The following HELZ variants were observed in gnomAD, a reference collection of about 807,000 sequenced individuals.
The protein encoded by HELZ is ATP-dependent RNA helicase with zinc finger domain.
In HELZ, 23 loss-of-function variants were observed where a neutral mutation model predicts 218.2. The ratio of observed to expected loss-of-function variants is 0.11; its 90% CI spans 0.08 to 0.15. The LOEUF is 0.15. HELZ is among the 10% of genes least tolerant of loss of function. HELZ has a pLI of 1.00. For missense variants in HELZ, 1,813 were observed against 2,353.7 expected (o/e 0.77, Z 4.75); for synonymous variants, 814 against 829.4 (o/e 0.98, Z 0.32).
intron 27 of HELZ, among the ~76,000 whole-genome samples, chr17:67,117,040 G>GT (rs2037449109): frequency 3.3e-5 from 5 of 151,936 alleles, no homozygotes; most frequent in Non-Finnish European, 7.4e-5. Flanking sequence ...ATTTTTAATA[G>GT]AGATAGGTTT....
At chr17:67,081,968 G>A (rs1021273243) in intron 32 of HELZ, among the ~76,000 whole-genome samples, 1 of 152,106 alleles carries the variant, frequency 6.6e-6, no homozygotes, top group Non-Finnish European at 1.5e-5. Flanking sequence ...CAGGACGAAG[G>A]AGCAGGTACA....
intron 21 of HELZ, among the ~76,000 whole-genome samples, chr17:67,139,545 G>A (rs747320270): frequency 6.6e-6 from 1 of 152,090 alleles, no homozygotes; most frequent in Non-Finnish European, 1.5e-5. Flanking sequence ...ATGATGATAT[G>A]AGTCATTCTG....
intron 4 of HELZ, among the ~76,000 whole-genome samples, chr17:67,217,931 T>TC (rs1222950957): frequency 2.5e-3 from 304 of 120,810 alleles, no homozygotes; most frequent in African/African-American, 0.014. Context: ...TTTTTTGTTG[T>TC]TTTTTTTTTT....
At chr17:67,155,584 C>T (rs769804852) in intron 17 of HELZ, among the ~76,000 whole-genome samples, 1 of 152,156 alleles carries the variant, frequency 6.6e-6, no homozygotes, top group Admixed American at 6.5e-5. Flanking sequence ...AATGAAGCTA[C>T]CATACACTTT....
chr17:67,083,966 A>G (rs2036276695), intron 32 of HELZ, among the ~76,000 whole-genome samples: 1 of 152,252 alleles, frequency 6.6e-6, no homozygotes, highest in African/African-American at 2.4e-5. Context: ...ACTGATATCC[A>G]TATCAAACAC....
rs1257157335 is a variant in HELZ at position 67,151,034 on chromosome 17, G to C, written c.2356+12C>G. On this transcript the variant is annotated intron_variant, in intron 18 of 32. Coordinates refer to ENST00000358691, the MANE Select transcript of HELZ (RefSeq NM_014877.4). ...CCCTAAACTTGTGAGACTGTGTCTT[G>C]AGTCAGCATACCAGGTTCAAGGTCC... 1.2e-6 allele frequency: 2 copies of C among 1,611,154 alleles called. No homozygotes were observed. Among genetic ancestry groups the C allele is most frequent in the East Asian group, 2.2e-5 (1 of 44,852 alleles).
intron 7 of HELZ, chr17:67,200,808 T>C: frequency 3.7e-6 from 1 of 270,234 alleles, no homozygotes; most frequent in South Asian, 9.4e-5. Context: ...CATTTTCTAG[T>C]AGCCAGAAGT....
chr17:67,141,293 C>T (rs950939017), intron 21 of HELZ, among the ~76,000 whole-genome samples: 3 of 152,082 alleles, frequency 2.0e-5, no homozygotes, highest in Non-Finnish European at 4.4e-5. Flanking sequence ...TAATGTTTGA[C>T]AGTAACGGCA....
chr17:67,187,026 T>C (rs2039775172), intron 12 of HELZ, among the ~76,000 whole-genome samples: 1 of 152,174 alleles, frequency 6.6e-6, no homozygotes, highest in Non-Finnish European at 1.5e-5. Context: ...GGCTGCTTTC[T>C]CATTACGACG....
At position 67,148,423 on chromosome 17, in the gene HELZ, A is replaced by G. The variant is rs1000111945; in HGVS notation, c.2621+146T>C. On this transcript the variant is annotated intron_variant, in intron 20 of 32. Coordinates refer to ENST00000358691, the MANE Select transcript of HELZ (RefSeq NM_014877.4). ...TGACTTCTGAAGTTTTCTTTTAAAGACATAAAATTAAACATAATTTGCAAG... is the reference window on the plus strand; with the variant it reads ...TGACTTCTGAAGTTTTCTTTTAAAGGCATAAAATTAAACATAATTTGCAAG... 3 of 634,222 alleles carry G rather than the reference A, an allele frequency of 4.7e-6. No homozygotes were observed. In the East Asian group the frequency reaches 8.5e-5, roughly 18 times the overall value. The allele number at this position is 634,222 out of a possible 1,614,324, so 39.3% of individuals were successfully genotyped here.
In HELZ at chr17:67,188,741, C is replaced by T; in HGVS notation, c.865-125G>A. On this transcript the variant is annotated intron_variant, in intron 11 of 32. Coordinates refer to ENST00000358691, the MANE Select transcript of HELZ (RefSeq NM_014877.4). The surrounding 1 kb of genome is among the most constrained non-coding windows in gnomAD (Gnocchi z 4.1). ...TCCCCAAGCTTCTAAGATACTATAG[C>T]CATTTAAGAAAAAAATCAGAATGGT... 1 of 692,208 alleles carries T rather than the reference C, an allele frequency of 1.4e-6. No individual in the cohort carries two copies. 42.9% of individuals were successfully genotyped at this position (692,208 alleles called of 1,614,324 possible). A position where few individuals can be genotyped will look rare whatever the true frequency, so the allele number is the denominator to read the frequency against.
At chr17:67,226,817 T>C (rs1275405228) in intron 3 of HELZ, among the ~76,000 whole-genome samples, 1 of 152,234 alleles carries the variant, frequency 6.6e-6, no homozygotes, top group Non-Finnish European at 1.5e-5. Context: ...AAGGAACAAG[T>C]ATTCAATATA....
At chr17:67,115,422 A>G (rs915818706) in intron 27 of HELZ, among the ~76,000 whole-genome samples, 1 of 152,098 alleles carries the variant, frequency 6.6e-6, no homozygotes, top group African/African-American at 2.4e-5. Flanking sequence ...AAATTTACAT[A>G]CTTGATAAAA....
intron 21 of HELZ, among the ~76,000 whole-genome samples, chr17:67,142,950 G>T (rs543569356): frequency 6.6e-6 from 1 of 151,594 alleles, no homozygotes; most frequent in African/African-American, 2.4e-5. Context: ...TTGTAGAGAC[G>T]GGGTTTCACC....
At chr17:67,231,101 T>G (rs1339315274) in intron 3 of HELZ, among the ~76,000 whole-genome samples, 1 of 152,034 alleles carries the variant, frequency 6.6e-6, no homozygotes, top group Non-Finnish European at 1.5e-5. Flanking sequence ...TGAGGACCAT[T>G]CTATTAAATA....
intron 24 of HELZ, among the ~76,000 whole-genome samples, chr17:67,128,228 C>A (rs964146395): frequency 6.6e-6 from 1 of 152,130 alleles, no homozygotes; most frequent in Admixed American, 6.5e-5. Context: ...AATTGGTCAT[C>A]AGTAAAGGTT....
chr17:67,242,135 G>T (rs190415720), intron 2 of HELZ, among the ~76,000 whole-genome samples: 299 of 152,276 alleles, frequency 2.0e-3, no homozygotes, highest in African/African-American at 6.9e-3. Context: ...AAAAGATAAG[G>T]CCAGGCATGG....
intron 31 of HELZ, among the ~76,000 whole-genome samples, chr17:67,100,914 C>T (rs2036905775): frequency 6.6e-6 from 1 of 151,892 alleles, no homozygotes; most frequent in South Asian, 2.1e-4. Context: ...TCCTGGCTAA[C>T]ATGGTGAACC....
intron 3 of HELZ, 102 bp from the exon 4 acceptor site, chr17:67,218,924 C>T (rs1312267755): frequency 1.3e-6 from 1 of 752,926 alleles, no homozygotes; most frequent in South Asian, 1.8e-5. Context: ...TATCTGAATA[C>T]TCTCAGCTAG....
Sources: gnomAD v4.1 joint callset for allele counts (sites outside exome capture counted in the v4.1 genomes callset) on GRCh38, gnomAD v4.1.1 for gene constraint, Gnocchi (gnomAD v3.1) non-coding constraint, MANE v1.5 for transcripts, NCBI Gene and HGNC (gene_info 2026-07-23, HGNC 2026-07-21) for gene names.